Variants in LITAF observed in about 807,000 individuals in gnomAD.
LITAF encodes lipopolysaccharide-induced tumor necrosis factor-alpha factor.
A neutral mutation model predicts 14.5 loss-of-function variants in LITAF; 9 were observed. The ratio of observed to expected loss-of-function variants is 0.62; its 90% CI spans 0.37 to 1.08. The LOEUF is 1.08. Among genes scored for constraint, LITAF ranks in the 50% least tolerant of loss-of-function variants. The probability of loss-of-function intolerance (pLI) is 0.01; values close to 1 mark genes in which losing one functional copy is unlikely to be tolerated. For synonymous variants in LITAF, 98 were observed against 88.2 expected (o/e 1.11, Z -0.62); for missense variants, 206 against 213.4 (o/e 0.97, Z 0.22).
chr16:11,620,051 C>T (rs1232149998), intron 3 of LITAF, among the ~76,000 whole-genome samples: 3 of 151,604 alleles, frequency 2.0e-5, no homozygotes, highest in Middle Eastern at 3.2e-3. Context: ...GCCTGTAATC[C>T]CAGCTACTTG....
In LITAF at chr16:11,634,003, C is replaced by T. The variant is rs149494154; in HGVS notation, c.-20-366G>A. ...ATGTTTGCTGTGATTAGTGGCATCA[C>T]ACACGCAGACATGTGTAAGGCCACT... On this transcript the variant is annotated intron_variant, in intron 2 of 3. Transcript: ENST00000574848. This position sits in a 1 kb window ranked among gnomAD's most constrained non-coding sequence, Gnocchi z 4.1. Among the ~76,000 whole-genome samples, 2 of 152,172 alleles carry T rather than the reference C, an allele frequency of 1.3e-5. No individual in the cohort carries two copies. Among genetic ancestry groups the T allele is most frequent in the Non-Finnish European group, 2.9e-5 (2 of 68,038 alleles).
Position 11,605,274 on chromosome 16 carries a change from G to A in LITAF, c.85+28259C>T, listed in dbSNP as rs1339551856. ...GGCTGTGACAAGTGCCTGTGTCCCC[G>A]TGGGGAATGTGGCCCCTAGTATTCA... On this transcript the variant is annotated intron_variant, in intron 3 of 3. Transcript: ENST00000574848. The surrounding 1 kb of genome is among the most constrained non-coding windows in gnomAD (Gnocchi z 4.7). Among the ~76,000 whole-genome samples, 5 of 152,178 alleles carry A rather than the reference G, an allele frequency of 3.3e-5. No individual in the cohort carries two copies. Among genetic ancestry groups the A allele is most frequent in the African/African-American group, 1.2e-4 (5 of 41,444 alleles).
chr16:11,639,005 A>G (rs1567271467), upstream of LITAF, among the ~76,000 whole-genome samples: 1 of 152,168 alleles, frequency 6.6e-6, no homozygotes, highest in Non-Finnish European at 1.5e-5. Context: ...AATGCATCCA[A>G]AAAGTAAGAT....
rs1297311011 is a variant in LITAF at position 11,558,190 on chromosome 16, TA to T, written c.-5-1456del. Among the ~76,000 whole-genome samples, 1 of 151,902 alleles carries T rather than the reference TA, an allele frequency of 6.6e-6. No individual in the cohort carries two copies. The highest frequency in any genetic ancestry group is 1.5e-5 in the Non-Finnish European group (1 of 67,972). ...ATTAATCCCACTGCAGGGAGAAGGG[TA>T]GAGTCCTTCTCAGAAGCCCTGCCTC... On this transcript the variant is annotated intron_variant, in intron 1 of 3. Transcript: ENST00000622633. The surrounding 1 kb of genome is among the most constrained non-coding windows in gnomAD (Gnocchi z 4.1).
chr16:11,624,035 A>G (rs1010036747), intron 3 of LITAF, among the ~76,000 whole-genome samples: 8 of 152,168 alleles, frequency 5.3e-5, no homozygotes, highest in African/African-American at 1.9e-4. Context: ...TTGTAATCCC[A>G]GTACTTTGGG....
At chr16:11,615,364 C>A (rs1488916072) in intron 3 of LITAF, among the ~76,000 whole-genome samples, 1 of 152,162 alleles carries the variant, frequency 6.6e-6, no homozygotes, top group East Asian at 1.9e-4. Flanking sequence ...TGGCGAAACC[C>A]CGTCTCTACT....
chr16:11,548,117 G>T lies in LITAF; in HGVS notation c.*1520C>A, dbSNP rs938840244. 2.4e-5 allele frequency: 11 copies of T among 453,936 alleles called. No individual in the cohort carries two copies. Among genetic ancestry groups the T allele is most frequent in the African/African-American group, 2.2e-4 (11 of 49,994 alleles). The allele number at this position is 453,936 out of a possible 1,614,324, so 28.1% of individuals were successfully genotyped here. On this transcript the variant is annotated 3_prime_UTR_variant, in exon 4 of 4. Transcript: ENST00000622633. ...AATTTTCCAAACATCAAATGAAGGG[G>T]GATCAATGGTTACCACTATCGTTTT...
At chr16:11,609,057 G>A (rs75579962) in intron 3 of LITAF, among the ~76,000 whole-genome samples, 2,112 of 152,184 alleles carry the variant, frequency 0.014, 67 homozygotes, top group East Asian at 0.12. Flanking sequence ...GACAGAAAGC[G>A]GATTCATGGT....
intron 1 of LITAF, among the ~76,000 whole-genome samples, chr16:11,557,108 C>T (rs1222139667): frequency 6.9e-6 from 1 of 145,266 alleles, no homozygotes; most frequent in Non-Finnish European, 1.5e-5. Flanking sequence ...GTTTTTAAAC[C>T]ACTGTGGTTT....
intron 3 of LITAF, among the ~76,000 whole-genome samples, chr16:11,626,855 G>GT (rs201592153): frequency 0.022 from 3,345 of 150,252 alleles, 111 homozygotes; most frequent in African/African-American, 0.074. Context: ...TCTTTTTTTT[G>GT]TTTTTTTTTG....
chr16:11,577,126 C>G (rs1050689634), intron 1 of LITAF, among the ~76,000 whole-genome samples: 5 of 152,108 alleles, frequency 3.3e-5, no homozygotes, highest in African/African-American at 1.2e-4. Context: ...TAATATTTCC[C>G]TAACTGGACC....
intron 3 of LITAF, among the ~76,000 whole-genome samples, chr16:11,620,776 G>A (rs560088935): frequency 3.3e-5 from 5 of 152,240 alleles, no homozygotes; most frequent in African/African-American, 4.8e-5. Flanking sequence ...GGTGGGGACT[G>A]TGACAAACTG....
rs376678568 is a variant in LITAF, at chr16:11,618,374, G to A, written c.85+15159C>T. On this transcript the variant is annotated intron_variant, in intron 3 of 3. Coordinates refer to the LITAF transcript ENST00000574848. The stretch of plus-strand genomic sequence containing the variant: ...TTTGTAATCAGCCAGGCAGAAGTAG[G>A]GGTAGCCTGGGGACGCCATTTGCAC... Among the ~76,000 whole-genome samples the A allele has an allele frequency of 6.6e-5, 10 of 152,282 alleles. 1 individual carries two copies. Among genetic ancestry groups the A allele is most frequent in the Middle Eastern group, 3.4e-3 (1 of 294 alleles).
chr16:11,618,267 G>T (rs942061128), intron 3 of LITAF, among the ~76,000 whole-genome samples: 2 of 152,166 alleles, frequency 1.3e-5, no homozygotes, highest in African/African-American at 4.8e-5. Flanking sequence ...ATTCCGTTCT[G>T]CCACTGTGCT....
upstream of LITAF, among the ~76,000 whole-genome samples, chr16:11,637,873 C>T (rs541299044): frequency 1.7e-4 from 21 of 122,762 alleles, no homozygotes; most frequent in African/African-American, 6.2e-4. Context: ...AGAGTGAGAA[C>T]CTTCCTCAAA....
intron 1 of LITAF, among the ~76,000 whole-genome samples, chr16:11,576,803 T>A (rs1481019478): frequency 1.3e-5 from 2 of 152,174 alleles, no homozygotes; most frequent in Non-Finnish European, 2.9e-5. Context: ...TAAACAGGCT[T>A]GGGCATCTGC....
chr16:11,622,211 C>T (rs1023973165), intron 3 of LITAF, among the ~76,000 whole-genome samples: 16 of 152,226 alleles, frequency 1.1e-4, no homozygotes, highest in Admixed American at 9.2e-4. Context: ...ATGGCTTGCT[C>T]ATGAGACCCC....
In LITAF at chr16:11,558,248, G is replaced by T. The variant is rs1307646974; in HGVS notation, c.-5-1513C>A. 6.6e-6 allele frequency among the ~76,000 whole-genome samples: 1 copy of T among 152,198 alleles called. No individual in the cohort carries two copies. Among genetic ancestry groups the T allele is most frequent in the East Asian group, 1.9e-4 (1 of 5,200 alleles). The stretch of plus-strand genomic sequence containing the variant: ...AAGCCCCAAAGAGGAGACTTCTCTG[G>T]AGGAACCGAAGAAAGGGTATTCACC... On this transcript the variant is annotated intron_variant, in intron 1 of 3. Coordinates refer to ENST00000622633, the MANE Select transcript of LITAF (RefSeq NM_001136472.2). This position sits in a 1 kb window ranked among gnomAD's most constrained non-coding sequence, Gnocchi z 4.1.
chr16:11,594,716 A>C (rs1251822527), intron 1 of LITAF, among the ~76,000 whole-genome samples: 1 of 151,930 alleles, frequency 6.6e-6, no homozygotes, highest in Admixed American at 6.6e-5. Context: ...TCTCTACTAA[A>C]AATACAAAAA....
Sources: gnomAD v4.1 joint callset for allele counts (sites outside exome capture counted in the v4.1 genomes callset) on GRCh38, gnomAD v4.1.1 for gene constraint, Gnocchi (gnomAD v3.1) non-coding constraint, MANE v1.5 for transcripts, NCBI Gene and HGNC (gene_info 2026-07-23, HGNC 2026-07-21) for gene names.